The following IGFL2 variants were observed in gnomAD, a reference collection of about 807,000 sequenced individuals.
The protein encoded by IGFL2 is IGF like family member 2.
A neutral mutation model predicts 13.9 loss-of-function variants in IGFL2; 7 were observed. The observed-to-expected ratio is 0.51, with a 90% confidence interval of 0.29 to 0.95. The LOEUF is 0.95. Ranked by LOEUF, IGFL2 falls within the 40% of genes least tolerant of loss-of-function variation. The probability of loss-of-function intolerance (pLI) is 0.08; values close to 1 mark genes in which losing one functional copy is unlikely to be tolerated. For missense variants in IGFL2, 138 were observed against 147.8 expected, an observed-to-expected ratio of 0.93 and a Z score of 0.34; for synonymous variants, 55 against 55.8, an observed-to-expected ratio of 0.99 and a Z score of 0.07.
upstream of IGFL2, among the ~76,000 whole-genome samples, chr19:46,143,837 G>T (rs1192450401): frequency 1.3e-5 from 2 of 152,178 alleles, no homozygotes; most frequent in Non-Finnish European, 2.9e-5. Context: ...ACAGGCCCTT[G>T]GTCTACTGTG....
the IGFL2 span, among the ~76,000 whole-genome samples, chr19:46,178,621 A>G: frequency 6.6e-6 from 1 of 152,314 alleles, no homozygotes. Context: ...GATTTCATCT[A>G]CATAAAAAGA....
chr19:46,121,786 T>TGCG, the IGFL2 span, among the ~76,000 whole-genome samples: 1 of 150,944 alleles, frequency 6.6e-6, no homozygotes. Flanking sequence ...AAACAGCAAG[T>TGCG]GCGGAGCTGA....
intron 1 of IGFL2, among the ~76,000 whole-genome samples, chr19:46,153,910 G>C (rs966235498): frequency 3.3e-5 from 5 of 151,142 alleles, no homozygotes; most frequent in African/African-American, 1.2e-4. Context: ...ATGGTGGTTT[G>C]TTTCACCTAT....
At chr19:46,207,009 T>C in the IGFL2 span, 8 of 152,178 alleles carry the variant, frequency 5.3e-5, no homozygotes, top group African/African-American at 1.9e-4. Flanking sequence ...GACACACGGA[T>C]TTTCCTGAAT....
At chr19:46,112,588 G>A in the IGFL2 span, among the ~76,000 whole-genome samples, 3 of 152,192 alleles carry the variant, frequency 2.0e-5, no homozygotes, top group African/African-American at 7.2e-5. Context: ...AACACAAGCT[G>A]GGACCTTGAG....
chr19:46,200,011 G>T, the IGFL2 span, among the ~76,000 whole-genome samples: 1 of 152,014 alleles, frequency 6.6e-6, no homozygotes, highest in South Asian at 2.1e-4. Context: ...CGAGTAGCTG[G>T]GATTACAAGC....
the IGFL2 span, among the ~76,000 whole-genome samples, chr19:46,114,188 A>G: frequency 2.6e-5 from 4 of 152,180 alleles, no homozygotes; most frequent in African/African-American, 4.8e-5. Flanking sequence ...TCCTGTTTCT[A>G]ACTTAGGAGC....
At chr19:46,103,726 G>T in the IGFL2 span, among the ~76,000 whole-genome samples, 2 of 152,164 alleles carry the variant, frequency 1.3e-5, no homozygotes, top group Non-Finnish European at 2.9e-5. Context: ...AGGGGTGAAT[G>T]CGTAAAGCTT....
the IGFL2 span, among the ~76,000 whole-genome samples, chr19:46,116,653 A>G: frequency 6.6e-6 from 1 of 152,212 alleles, no homozygotes; most frequent in Non-Finnish European, 1.5e-5. Flanking sequence ...TGGGGATTAC[A>G]TGTGCTTGCT....
Position 46,149,181 on chromosome 19 carries a change from T to TCTCTCTTTCTCTCTCC in IGFL2, c.19+909_19+924dup, listed in dbSNP as rs1161034518. 2.4e-4 allele frequency: 128 copies of TCTCTCTTTCTCTCTCC among 540,272 alleles called. 1 individual carries two copies. Among genetic ancestry groups the TCTCTCTTTCTCTCTCC allele is most frequent in the African/African-American group, 1.5e-3 (63 of 41,110 alleles). 33.5% of individuals were successfully genotyped at this position (540,272 alleles called of 1,614,324 possible). Reference sequence around the variant, plus strand: ...CTCTCTTCTCTCTCTCTCTCTTCTCTCTCTCTTTCTCTCTCCCTCTCTTTC... The same window carrying TCTCTCTTTCTCTCTCC: ...CTCTCTTCTCTCTCTCTCTCTTCTCTCTCTCTTTCTCTCTCCCTCTCTTTCTCTCTCCCTCTCTTTC... On this transcript the variant is annotated intron_variant, in intron 1 of 3. Transcript: ENST00000377693.
chr19:46,098,339 C>T, the IGFL2 span, among the ~76,000 whole-genome samples: 1 of 152,210 alleles, frequency 6.6e-6, no homozygotes, highest in Admixed American at 6.5e-5. Context: ...CTTTTTCCTG[C>T]TTTTCATTTG....
At position 46,148,987 on chromosome 19, in the gene IGFL2, TGAGGTTCA is replaced by T; in HGVS notation, c.19+692_19+699del. ...CTGGGCTCTCAGCGCCAGGAAATCA[TGAGGTTCA>T]GTGTCTCAGGCATGAGGACCGACTA... On this transcript the variant is annotated intron_variant, in intron 1 of 3. Coordinates refer to ENST00000377693, the MANE Select transcript of IGFL2 (RefSeq NM_001135113.2). The T allele has an allele frequency of 2.5e-6, 4 of 1,600,368 alleles. No homozygotes were observed. The South Asian group carries it at 4.6e-5, about 18-fold the overall frequency.
upstream of IGFL2, among the ~76,000 whole-genome samples, chr19:46,138,516 G>T (rs972879659): frequency 6.6e-6 from 1 of 152,186 alleles, no homozygotes; most frequent in Non-Finnish European, 1.5e-5. Flanking sequence ...GGTGGTGGGG[G>T]AGCATTGATG....
At chr19:46,124,112 T>G in the IGFL2 span, 2 of 1,611,196 alleles carry the variant, frequency 1.2e-6, no homozygotes, top group Non-Finnish European at 8.5e-7. Flanking sequence ...TTCCCACACC[T>G]GGGTGTCGGC....
the IGFL2 span, among the ~76,000 whole-genome samples, chr19:46,200,142 G>A: frequency 8.5e-4 from 126 of 149,102 alleles, no homozygotes; most frequent in Middle Eastern, 3.7e-3. Flanking sequence ...GTGAGCCACC[G>A]CACCTGCCCT....
chr19:46,161,976 T>A (rs1177925278), downstream of IGFL2, among the ~76,000 whole-genome samples: 1 of 152,256 alleles, frequency 6.6e-6, no homozygotes, highest in Non-Finnish European at 1.5e-5. Context: ...CTATATTTAG[T>A]GCTCCTTGCA....
chr19:46,085,898 A>G, the IGFL2 span, among the ~76,000 whole-genome samples: 1 of 152,232 alleles, frequency 6.6e-6, no homozygotes, highest in Non-Finnish European at 1.5e-5. Flanking sequence ...TGCAACAACA[A>G]AGAAACCATA....
the IGFL2 span, among the ~76,000 whole-genome samples, chr19:46,081,221 G>A: frequency 6.6e-6 from 1 of 152,186 alleles, no homozygotes; most frequent in Admixed American, 6.5e-5. Context: ...TCTTTAGGAA[G>A]TGTTCATTAT....
the IGFL2 span, among the ~76,000 whole-genome samples, chr19:46,088,006 G>C: frequency 6.6e-6 from 1 of 152,210 alleles, no homozygotes; most frequent in African/African-American, 2.4e-5. Context: ...CTCAGGACCT[G>C]TGAGGGCTGA....
Sources: allele counts gnomAD v4.1 joint callset (sites outside exome capture counted in the v4.1 genomes callset), GRCh38; gene constraint gnomAD v4.1.1; transcripts MANE v1.5; gene names NCBI Gene and HGNC (gene_info 2026-07-23, HGNC 2026-07-21).